TMTC1: variants seen among roughly 807,000 people sequenced by gnomAD.
The protein encoded by TMTC1 is protein O-mannosyl-transferase TMTC1.
A neutral mutation model predicts 104.8 loss-of-function variants in TMTC1; 73 were observed. The ratio of observed to expected loss-of-function variants is 0.70; its 90% CI spans 0.58 to 0.85. The LOEUF (loss-of-function observed/expected upper bound fraction) is 0.85, where lower values mean the gene tolerates loss of function less well. Ranked by LOEUF, TMTC1 falls within the 40% of genes least tolerant of loss-of-function variation. The probability of loss-of-function intolerance (pLI) is 0.00; values close to 1 mark genes in which losing one functional copy is unlikely to be tolerated. For synonymous variants in TMTC1, 434 were observed against 428.7 expected (o/e 1.01, Z -0.15); for missense variants, 1,035 against 1,096.1 (o/e 0.94, Z 0.79).
intron 11 of TMTC1, chr12:29,529,733 T>G (rs999901040): frequency 6.6e-6 from 1 of 152,226 alleles, no homozygotes; most frequent in African/African-American, 2.4e-5. Context: ...TGAGCATTTA[T>G]GAGAAACATG....
At chr12:29,765,230 A>T (rs1384794623) in intron 2 of TMTC1, among the ~76,000 whole-genome samples, 1 of 152,184 alleles carries the variant, frequency 6.6e-6, no homozygotes, top group Non-Finnish European at 1.5e-5. Flanking sequence ...ATTTTTCATC[A>T]TAATTTTAAA....
At chr12:29,665,941 G>GC (rs34212415) in intron 5 of TMTC1, among the ~76,000 whole-genome samples, 16 of 151,720 alleles carry the variant, frequency 1.1e-4, no homozygotes, top group African/African-American at 3.2e-4. Context: ...ATCCACTGAT[G>GC]CCCCCCCAAC....
intron 8 of TMTC1, among the ~76,000 whole-genome samples, chr12:29,575,780 C>A (rs1272709896): frequency 6.6e-6 from 1 of 152,196 alleles, no homozygotes; most frequent in African/African-American, 2.4e-5. Flanking sequence ...ATTGCTGGAT[C>A]ACATGGTAAT....
intron 6 of TMTC1, among the ~76,000 whole-genome samples, chr12:29,615,109 C>T (rs933122222): frequency 1.3e-5 from 2 of 152,176 alleles, no homozygotes; most frequent in African/African-American, 4.8e-5. Flanking sequence ...CGAACAGGGC[C>T]AATTTGGCCA....
At position 29,629,383 on chromosome 12, in the gene TMTC1, C is replaced by A. The variant is rs575591322; in HGVS notation, c.1128+3764G>T. Among the ~76,000 whole-genome samples the A allele has an allele frequency of 3.7e-3, 561 of 151,888 alleles. 5 individuals carry two copies. Among genetic ancestry groups the A allele is most frequent in the African/African-American group, 0.013 (530 of 41,448 alleles). ...TGCCTCCACCCTTCAAGTTGTTCTG[C>A]CCTCCCATATCGAGCCAATGTATGT... On this transcript the variant is annotated intron_variant, in intron 6 of 17. Coordinates refer to ENST00000539277, the MANE Select transcript of TMTC1 (RefSeq NM_001193451.2).
intron 6 of TMTC1, chr12:29,609,953 T>C (rs1156538700): frequency 6.6e-6 from 1 of 152,288 alleles, no homozygotes; most frequent in Non-Finnish European, 1.5e-5. Flanking sequence ...TCCTGTTGGA[T>C]TTCTCTTCAT....
intron 5 of TMTC1, among the ~76,000 whole-genome samples, chr12:29,748,021 T>C (rs1433937496): frequency 6.6e-6 from 1 of 152,212 alleles, no homozygotes; most frequent in Non-Finnish European, 1.5e-5. Flanking sequence ...CAAGCACAAT[T>C]TTCAAAAGTA....
intron 5 of TMTC1, among the ~76,000 whole-genome samples, chr12:29,634,182 C>T (rs149290884): frequency 1.6e-3 from 243 of 152,264 alleles, no homozygotes; most frequent in African/African-American, 5.5e-3. Context: ...CTAGTCAACA[C>T]GTTACAACAT....
At chr12:29,604,063 ATCCCTTG>A in intron 7 of TMTC1, 108 bp downstream of exon 7, 1 of 1,362,554 alleles carries the variant, frequency 7.3e-7, no homozygotes, top group Admixed American at 2.2e-5. Context: ...AAATAATAAT[ATCCCTTG>A]TCCCATGAGG....
At chr12:29,762,907 C>T (rs1474053080) in intron 2 of TMTC1, among the ~76,000 whole-genome samples, 1 of 152,218 alleles carries the variant, frequency 6.6e-6, no homozygotes, top group African/African-American at 2.4e-5. Flanking sequence ...CCTCCTTGAA[C>T]ATTTAGCTCA....
intron 7 of TMTC1, among the ~76,000 whole-genome samples, chr12:29,602,641 T>G (rs944545377): frequency 6.6e-6 from 1 of 151,914 alleles, no homozygotes. Context: ...ATAACATGCT[T>G]ATAATAGTAA....
chr12:29,783,451 T>C lies in TMTC1; in HGVS notation c.301A>G (p.Lys101Glu), dbSNP rs1943883409. The C allele has an allele frequency of 1.5e-6, 2 of 1,317,670 alleles. No individual in the cohort carries two copies. The allele number at this position is 1,317,670 out of a possible 1,614,324, so 81.6% of individuals were successfully genotyped here. A position where few individuals can be genotyped will look rare whatever the true frequency, so the allele number is the denominator to read the frequency against. The change falls in exon 1 of 18, where the codon AAG (lysine) becomes GAG (glutamate). Residue 101 changes from lysine (K) to glutamate (E), a missense_variant and splice_region_variant. Transcript: ENST00000539277. The surrounding 1 kb of genome is among the most constrained non-coding windows in gnomAD (Gnocchi z 4.7). ...SYRPLCVLTF[K>E]LNIFLTGMNP... ...GCTAGCGCGAGGTGAGGGACTCACT[T>C]GAAGGTGAGGACGCAGAGCGGCCGG...
At chr12:29,664,218 AAAAAT>A (rs1360426282) in intron 5 of TMTC1, among the ~76,000 whole-genome samples, 1 of 150,446 alleles carries the variant, frequency 6.6e-6, no homozygotes, top group African/African-American at 2.4e-5. Context: ...AAAAAAATAA[AAAAAT>A]AAAAAAAATA....
At chr12:29,756,378 G>C (rs1943216922) in intron 3 of TMTC1, among the ~76,000 whole-genome samples, 1 of 152,174 alleles carries the variant, frequency 6.6e-6, no homozygotes, top group Non-Finnish European at 1.5e-5. Flanking sequence ...CACATCAAGT[G>C]TGTATCACCA....
intron 5 of TMTC1, among the ~76,000 whole-genome samples, chr12:29,748,585 C>T (rs555480805): frequency 6.6e-6 from 1 of 152,202 alleles, no homozygotes; most frequent in African/African-American, 2.4e-5. Context: ...ACCTCTAAGC[C>T]TCAGTTTCTT....
Position 29,517,522 on chromosome 12 carries a change from G to A in TMTC1, c.2074C>T (p.Leu692=), listed in dbSNP as rs925828454. 15 of 1,614,124 alleles carry A rather than the reference G, an allele frequency of 9.3e-6. No homozygotes were observed. The highest frequency in any genetic ancestry group is 1.3e-5 in the Non-Finnish European group (15 of 1,180,020). ...TCGTATCGGCCAGTGTTGTAATACA[G>A]TGCTCCCAAAGGTGACAATATCTCA... ...KAEILSPLGA[L]YYNTGRYEEA... The change falls in exon 14 of 18, where the codon CTG becomes TTG. Residue 692 remains leucine (L), a synonymous_variant. Coordinates refer to ENST00000539277, the MANE Select transcript of TMTC1 (RefSeq NM_001193451.2).
intron 14 of TMTC1, among the ~76,000 whole-genome samples, chr12:29,517,205 T>C (rs909577087): frequency 1.3e-5 from 2 of 152,216 alleles, no homozygotes; most frequent in Admixed American, 1.3e-4. Flanking sequence ...TTTTTTACTA[T>C]TCTTGCAACA....
intron 5 of TMTC1, among the ~76,000 whole-genome samples, chr12:29,725,045 G>A (rs1347910800): frequency 6.3e-5 from 6 of 95,786 alleles, no homozygotes; most frequent in African/African-American, 2.1e-4. Context: ...TTTTGAGATG[G>A]AGTCTCGCTC....
At chr12:29,750,016 A>T (rs2136967174) in intron 5 of TMTC1, among the ~76,000 whole-genome samples, 1 of 151,800 alleles carries the variant, frequency 6.6e-6, no homozygotes, top group East Asian at 2.0e-4. Context: ...CACCACGAAG[A>T]GGCCAGAGGG....
Sources: allele counts gnomAD v4.1 joint callset (sites outside exome capture counted in the v4.1 genomes callset), GRCh38; gene constraint gnomAD v4.1.1; non-coding constraint Gnocchi (gnomAD v3.1); transcripts MANE v1.5; gene names NCBI Gene and HGNC (gene_info 2026-07-23, HGNC 2026-07-21).